CNTN3: variants seen among roughly 807,000 people sequenced by gnomAD.
CNTN3 encodes the protein contactin 3.
In CNTN3, 60 loss-of-function variants were observed where a neutral mutation model predicts 119.1. The observed-to-expected ratio is 0.50, with a 90% CI of 0.41 to 0.62. CNTN3 has a LOEUF of 0.62. CNTN3 is among the 20% of genes least tolerant of loss of function. CNTN3 has a pLI of 0.00. For missense variants in CNTN3, 1,101 were observed against 1,242.4 expected, an observed-to-expected ratio of 0.89 and a Z score of 1.71; for synonymous variants, 450 against 438.7, an observed-to-expected ratio of 1.03 and a Z score of -0.32.
rs548196383 is a variant in CNTN3 at position 74,375,430 on chromosome 3, G to A, written c.455-4031C>T. ...GGCAGAATAAATGTCCCCAGAAAAA[G>A]TCGACATTCTAATGCCTGAAACCTG... On this transcript the variant is annotated intron_variant, in intron 5 of 22. Transcript: ENST00000263665. Among the ~76,000 whole-genome samples, 36 of 152,202 alleles carry A rather than the reference G, an allele frequency of 2.4e-4. No homozygotes were observed. The South Asian group carries it at 6.9e-3, about 29-fold the overall frequency.
At chr3:74,503,749 T>C (rs1703205124) in intron 2 of CNTN3, among the ~76,000 whole-genome samples, 1 of 152,140 alleles carries the variant, frequency 6.6e-6, no homozygotes. Flanking sequence ...AACATTCGGA[T>C]TGACGCTAAA....
intron 20 of CNTN3, among the ~76,000 whole-genome samples, chr3:74,279,471 T>C (rs930814887): frequency 1.2e-4 from 19 of 152,114 alleles, no homozygotes. Flanking sequence ...TAAAAAGGAA[T>C]GAATTAACGG....
chr3:74,522,941 C>A (rs1445377949), intron 1 of CNTN3, among the ~76,000 whole-genome samples: 1 of 151,588 alleles, frequency 6.6e-6, no homozygotes, highest in East Asian at 2.0e-4. Context: ...CCAGGTCCCA[C>A]GTGATTGATG....
At chr3:74,566,415 G>A (rs1182303542) in intron 1 of CNTN3, among the ~76,000 whole-genome samples, 2 of 152,128 alleles carry the variant, frequency 1.3e-5, no homozygotes, top group Non-Finnish European at 2.9e-5. Context: ...TTCTCTCAAT[G>A]TTATAGAGGA....
intron 2 of CNTN3, among the ~76,000 whole-genome samples, chr3:74,503,745 C>T (rs1216318713): frequency 3.3e-5 from 5 of 152,100 alleles, no homozygotes; most frequent in Admixed American, 2.0e-4. Flanking sequence ...ACGTAACATT[C>T]GGATTGACGC....
intron 1 of CNTN3, among the ~76,000 whole-genome samples, chr3:74,561,556 G>A (rs372295175): frequency 2.0e-5 from 3 of 152,058 alleles, no homozygotes; most frequent in Admixed American, 6.6e-5. Context: ...CATGACTTGC[G>A]TTTCTTCTCA....
At chr3:74,321,020 GAACT>G in intron 13 of CNTN3, among the ~76,000 whole-genome samples, 1 of 151,280 alleles carries the variant, frequency 6.6e-6, no homozygotes, top group Non-Finnish European at 1.5e-5. Context: ...CATCTTAAGT[GAACT>G]AACAGCAACA....
intron 1 of CNTN3, among the ~76,000 whole-genome samples, chr3:74,612,266 T>A (rs184736658): frequency 3.2e-4 from 49 of 152,290 alleles, no homozygotes; most frequent in African/African-American, 1.1e-3. Context: ...TGGGCATATA[T>A]GAAATGTGAC....
chr3:74,406,818 C>T (rs1036869178), intron 5 of CNTN3, among the ~76,000 whole-genome samples: 2 of 152,032 alleles, frequency 1.3e-5, no homozygotes, highest in African/African-American at 4.8e-5. Context: ...AGCACATTAC[C>T]TCTCATTGCT....
At chr3:74,440,967 A>G (rs1701953744) in intron 4 of CNTN3, among the ~76,000 whole-genome samples, 1 of 152,148 alleles carries the variant, frequency 6.6e-6, no homozygotes, top group Non-Finnish European at 1.5e-5. Context: ...GGTATCCATG[A>G]GAGTCCTGGA....
At position 74,438,816 on chromosome 3, in the gene CNTN3, A is replaced by G. The variant is rs554436417; in HGVS notation, c.359-13876T>C. On this transcript the variant is annotated intron_variant, in intron 4 of 22. Transcript: ENST00000263665. ...GACACGTGTGATTTTTGCAATGCAC[A>G]TAAGATGGTACAAGTTGACTTCTAT... Among the ~76,000 whole-genome samples the G allele has an allele frequency of 1.5e-3, 231 of 152,350 alleles. 2 individuals carry two copies. The highest frequency in any genetic ancestry group is 5.4e-3 in the African/African-American group (225 of 41,594).
chr3:74,364,405 C>A, intron 10 of CNTN3, 62 bp downstream of exon 10: 1 of 1,509,030 alleles, frequency 6.6e-7, no homozygotes. Context: ...ATTACTGCTT[C>A]TGGAAACAAT....
At chr3:74,544,289 C>G (rs1429904002) in intron 1 of CNTN3, among the ~76,000 whole-genome samples, 1 of 152,168 alleles carries the variant, frequency 6.6e-6, no homozygotes, top group Non-Finnish European at 1.5e-5. Flanking sequence ...TATAACATGC[C>G]TGACTCTGAG....
At chr3:74,491,122 A>T (rs1477809026) in intron 3 of CNTN3, among the ~76,000 whole-genome samples, 1 of 152,182 alleles carries the variant, frequency 6.6e-6, no homozygotes, top group East Asian at 1.9e-4. Context: ...TGAGAAACAA[A>T]CTAGTATATG....
intron 4 of CNTN3, among the ~76,000 whole-genome samples, chr3:74,461,087 G>A (rs909408110): frequency 1.3e-5 from 2 of 151,638 alleles, no homozygotes; most frequent in African/African-American, 2.4e-5. Flanking sequence ...GCTTTTTACT[G>A]TGCCAATCGA....
At chr3:74,309,060 C>T (rs1163210243) in intron 13 of CNTN3, among the ~76,000 whole-genome samples, 1 of 152,034 alleles carries the variant, frequency 6.6e-6, no homozygotes, top group Non-Finnish European at 1.5e-5. Flanking sequence ...TAGCTAATGA[C>T]AGGCCTAATA....
At chr3:74,570,090 C>G (rs2323571) in intron 1 of CNTN3, among the ~76,000 whole-genome samples, 18,783 of 152,114 alleles carry the variant, frequency 0.12, 1,487 homozygotes, top group Non-Finnish European at 0.17. Context: ...GTTCGTCCAA[C>G]AAGGGTGGGC....
chr3:74,495,966 G>A (rs978320683), intron 3 of CNTN3, among the ~76,000 whole-genome samples: 5 of 152,048 alleles, frequency 3.3e-5, no homozygotes, highest in African/African-American at 9.7e-5. Context: ...CCCAGGGGTC[G>A]ACCTGAAACA....
intron 1 of CNTN3, among the ~76,000 whole-genome samples, chr3:74,607,840 G>A (rs1705018548): frequency 6.6e-6 from 1 of 152,182 alleles, no homozygotes; most frequent in Non-Finnish European, 1.5e-5. Flanking sequence ...TGTTCTTTAA[G>A]TTAAAATCCT....
Sources: gnomAD v4.1 joint callset for allele counts (sites outside exome capture counted in the v4.1 genomes callset) on GRCh38, gnomAD v4.1.1 for gene constraint, MANE v1.5 for transcripts, NCBI Gene and HGNC (gene_info 2026-07-23, HGNC 2026-07-21) for gene names.